CHST10: variants seen among roughly 807,000 people sequenced by gnomAD.
The protein encoded by CHST10 is carbohydrate sulfotransferase 10, also known as HNK-1 sulfotransferase.
CHST10 carries 24 observed loss-of-function variants against 34.7 expected under a neutral mutation model. That is an observed-to-expected ratio of 0.69 (90% CI 0.50 to 0.97). The LOEUF is 0.97. Among genes scored for constraint, CHST10 ranks in the 50% least tolerant of loss-of-function variants. The pLI is 0.00. For missense variants in CHST10, 402 were observed against 452.1 expected, an observed-to-expected ratio of 0.89 and a Z score of 1.00; for synonymous variants, 161 against 169.3, an observed-to-expected ratio of 0.95 and a Z score of 0.38.
chr2:100,395,744 A>C, intron 5 of CHST10, 130 bp from the exon 6 acceptor site: 4 of 573,856 alleles, frequency 7.0e-6, no homozygotes, highest in Non-Finnish European at 9.2e-6. Context: ...CACCCCCAAT[A>C]TCCAAGTTTA....
intron 2 of CHST10, among the ~76,000 whole-genome samples, chr2:100,410,764 C>A (rs952363323): frequency 6.6e-6 from 1 of 152,208 alleles, no homozygotes; most frequent in African/African-American, 2.4e-5. Context: ...TATATGCATT[C>A]AAATACACTT....
At chr2:100,415,163 A>G in intron 1 of CHST10, 52 bp from the exon 2 acceptor site, 1 of 1,115,340 alleles carries the variant, frequency 9.0e-7, no homozygotes, top group Admixed American at 2.7e-5. Flanking sequence ...TACAAGATCA[A>G]CTTACTTAAT....
rs376638250 is a variant in CHST10 at position 100,402,702 on chromosome 2, A to G, written c.101-47T>C. On this transcript the variant is annotated intron_variant, in intron 3 of 6. Transcript: ENST00000264249. ...TGTCTTCTCTAAAAGGAAAAGGCACACAGGTGGATGGGACAGAACAGAGGC... is the reference window on the plus strand; with the variant it reads ...TGTCTTCTCTAAAAGGAAAAGGCACGCAGGTGGATGGGACAGAACAGAGGC... The G allele has an allele frequency of 2.0e-5, 30 of 1,528,658 alleles. No homozygotes were observed. The African/African-American group carries it at 3.6e-4, about 18-fold the overall frequency. The allele number at this position is 1,528,658 out of a possible 1,614,324, so 94.7% of individuals were successfully genotyped here. A position where few individuals can be genotyped will look rare whatever the true frequency, so the allele number is the denominator to read the frequency against.
In CHST10 at chr2:100,392,032, T is replaced by A. The variant is rs1674814373; in HGVS notation, c.*1213A>T. 6.5e-6 allele frequency: 1 copy of A among 152,788 alleles called. No homozygotes were observed. Among genetic ancestry groups the A allele is most frequent in the African/African-American group, 2.4e-5 (1 of 41,458 alleles). The allele number at this position is 152,788 out of a possible 1,614,324, so 9.5% of individuals were successfully genotyped here. A position where few individuals can be genotyped will look rare whatever the true frequency, so the allele number is the denominator to read the frequency against. On this transcript the variant is annotated 3_prime_UTR_variant, in exon 7 of 7. Coordinates refer to ENST00000264249, the MANE Select transcript of CHST10 (RefSeq NM_004854.5). ...TCATCCCAGGAAACTGTCCCAGTTCTCAGCGGTCCTGGCTGTGGACGGTAT... is the reference window on the plus strand; with the variant it reads ...TCATCCCAGGAAACTGTCCCAGTTCACAGCGGTCCTGGCTGTGGACGGTAT...
chr2:100,411,354 C>T (rs1241180656), intron 2 of CHST10, among the ~76,000 whole-genome samples: 7 of 152,040 alleles, frequency 4.6e-5, no homozygotes, highest in Admixed American at 4.6e-4. Flanking sequence ...TCAAGTGATC[C>T]ACCTGCCTTG....
At chr2:100,415,142 T>A in intron 1 of CHST10, 31 bp from the exon 2 acceptor site, 1 of 1,172,330 alleles carries the variant, frequency 8.5e-7, no homozygotes, top group Non-Finnish European at 1.1e-6. Context: ...AAAAAAAGCA[T>A]TATTAAAAGT....
intron 4 of CHST10, among the ~76,000 whole-genome samples, chr2:100,398,607 G>A (rs137900411): frequency 0.02 from 3,016 of 152,272 alleles, 108 homozygotes; most frequent in African/African-American, 0.066. Flanking sequence ...AGGAGGCTCA[G>A]GCAGGAGAAT....
chr2:100,398,409 T>TA (rs1675176744), intron 4 of CHST10, among the ~76,000 whole-genome samples: 2 of 152,038 alleles, frequency 1.3e-5, no homozygotes, highest in Admixed American at 1.3e-4. Flanking sequence ...AGTTTGACTT[T>TA]AAAAAACAAA....
intron 3 of CHST10, among the ~76,000 whole-genome samples, chr2:100,404,316 C>T (rs1159435999): frequency 6.6e-6 from 1 of 152,142 alleles, no homozygotes; most frequent in African/African-American, 2.4e-5. Context: ...GCACTCCCAT[C>T]TCAGTGACCC....
At chr2:100,411,182 T>C (rs531848356) in intron 2 of CHST10, among the ~76,000 whole-genome samples, 24 of 150,168 alleles carry the variant, frequency 1.6e-4, no homozygotes, top group African/African-American at 5.9e-4. Context: ...AGTGGTGCAA[T>C]CTTGGCTCAC....
intron 6 of CHST10, among the ~76,000 whole-genome samples, chr2:100,394,912 G>A (rs1487227011): frequency 6.6e-6 from 1 of 151,736 alleles, no homozygotes; most frequent in Non-Finnish European, 1.5e-5. Flanking sequence ...TAGTAGAAAC[G>A]GGGTTTCTGT....
Position 100,395,565 on chromosome 2 carries a change from G to A in CHST10, c.477C>T (p.His159=), listed in dbSNP as rs760249249. Residue 159 remains histidine (H), a synonymous_variant, in exon 6 of 7, where the codon CAC becomes CAT. Coordinates refer to ENST00000264249, the MANE Select transcript of CHST10 (RefSeq NM_004854.5). Reference sequence around the variant, plus strand: ...AGAGCCGAGGAAGGCCGTTCTTCTCGTGGTCGTGCACCACGTTTTCGGGGA... The same window carrying A: ...AGAGCCGAGGAAGGCCGTTCTTCTCATGGTCGTGCACCACGTTTTCGGGGA... ...EEIPENVVHD[H]EKNGLPRLSS... 8.1e-6 allele frequency: 13 copies of A among 1,613,898 alleles called. No homozygotes were observed. In the East Asian group the frequency reaches 1.3e-4, roughly 17 times the overall value.
intron 2 of CHST10, among the ~76,000 whole-genome samples, chr2:100,409,110 A>C (rs548426780): frequency 6.6e-6 from 1 of 152,106 alleles, no homozygotes; most frequent in African/African-American, 2.4e-5. Context: ...TGGCGGGAGG[A>C]CCTGGGAACT....
Position 100,392,992 on chromosome 2 carries a change from G to A in CHST10, c.*253C>T. 2 of 535,192 alleles carry A rather than the reference G, an allele frequency of 3.7e-6. No individual in the cohort carries two copies. Among genetic ancestry groups the A allele is most frequent in the Non-Finnish European group, 3.3e-6 (1 of 298,894 alleles). The allele number at this position is 535,192 out of a possible 1,614,324, so 33.2% of individuals were successfully genotyped here. ...AAATCTTTAGCCTTTTCTCCCCTCT[G>A]AGGTGAGCAAAGGCCAGCGACATCC... is the stretch of plus-strand genomic sequence containing the variant. On this transcript the variant is annotated 3_prime_UTR_variant, in exon 7 of 7. Coordinates refer to ENST00000264249, the MANE Select transcript of CHST10 (RefSeq NM_004854.5).
At chr2:100,396,074 C>A (rs1675046171) in intron 5 of CHST10, among the ~76,000 whole-genome samples, 1 of 152,222 alleles carries the variant, frequency 6.6e-6, no homozygotes, top group Non-Finnish European at 1.5e-5. Context: ...CAGCCCCATC[C>A]CATAGACAGG....
At position 100,397,910 on chromosome 2, in the gene CHST10, T is replaced by C. The variant is rs1173072291; in HGVS notation, c.425A>G (p.Asn142Ser). The C allele has an allele frequency of 6.2e-7, 1 of 1,609,846 alleles. No individual in the cohort carries two copies. The change falls in exon 5 of 7, where the codon AAT becomes AGT. Residue 142 changes from asparagine to serine, a missense_variant and splice_region_variant. Asn to Ser is a conservative substitution (Grantham distance 46). Transcript: ENST00000264249. Reference sequence around the variant, plus strand: ...ACATTCAGTAGACCCACACACACCATTTAGAACAATCAGCACTTTCTTCCA... The same window carrying C: ...ACATTCAGTAGACCCACACACACCACTTAGAACAATCAGCACTTTCTTCCA... ...TQWKKVLIVL[N>S]GAFSSIEEIP...
chr2:100,401,163 G>A (rs529245124), intron 4 of CHST10, among the ~76,000 whole-genome samples: 5 of 152,274 alleles, frequency 3.3e-5, no homozygotes, highest in African/African-American at 1.2e-4. Context: ...CTGGGGCAGC[G>A]GGTAAGAGAG....
intron 4 of CHST10, among the ~76,000 whole-genome samples, chr2:100,401,085 G>A (rs1675319501): frequency 6.6e-6 from 1 of 152,192 alleles, no homozygotes; most frequent in South Asian, 2.1e-4. Context: ...ACGGCATGTG[G>A]CCTCAGCGGA....
chr2:100,404,653 G>T (rs1334496308), intron 3 of CHST10, among the ~76,000 whole-genome samples: 1 of 152,202 alleles, frequency 6.6e-6, no homozygotes, highest in Non-Finnish European at 1.5e-5. Flanking sequence ...AAAGGAGAAT[G>T]AGACCTCATT....
Sources: gnomAD v4.1 joint callset for allele counts (sites outside exome capture counted in the v4.1 genomes callset) on GRCh38, gnomAD v4.1.1 for gene constraint, MANE v1.5 for transcripts, NCBI Gene and HGNC (gene_info 2026-07-23, HGNC 2026-07-21) for gene names.